The following PCDH9 variants were observed in gnomAD, a reference collection of about 807,000 sequenced individuals.
The protein encoded by PCDH9 is protocadherin 9.
A neutral mutation model predicts 70.6 loss-of-function variants in PCDH9; 24 were observed. That is an observed-to-expected ratio of 0.34 (90% CI 0.25 to 0.48). The LOEUF (loss-of-function observed/expected upper bound fraction) is 0.48, where lower values mean the gene tolerates loss of function less well. PCDH9 is among the 20% of genes least tolerant of loss of function. The pLI, the probability that PCDH9 is intolerant of heterozygous loss-of-function variation, is 0.99. For missense variants in PCDH9, 1,281 were observed against 1,503.6 expected (o/e 0.85, Z 2.45); for synonymous variants, 562 against 558.5 (o/e 1.01, Z -0.09).
chr13:66,966,059 C>T (rs1330296184), intron 2 of PCDH9, among the ~76,000 whole-genome samples: 1 of 151,910 alleles, frequency 6.6e-6, no homozygotes, highest in East Asian at 1.9e-4. Flanking sequence ...AATTGCATGC[C>T]ATATTTTAAA....
intron 3 of PCDH9, among the ~76,000 whole-genome samples, chr13:66,899,014 T>C (rs2082231828): frequency 6.6e-6 from 1 of 151,938 alleles, no homozygotes; most frequent in South Asian, 2.1e-4. Context: ...ACAAGACACA[T>C]AATAATAGTT....
At chr13:66,686,316 TC>T (rs1204992471) in intron 3 of PCDH9, among the ~76,000 whole-genome samples, 7 of 152,136 alleles carry the variant, frequency 4.6e-5, no homozygotes, top group African/African-American at 1.4e-4. Context: ...CACTTATCTT[TC>T]CTGCCATCAT....
Position 66,520,272 on chromosome 13 carries a change from A to T in PCDH9, c.3340+110938T>A, listed in dbSNP as rs1014640682. Among the ~76,000 whole-genome samples, 4 of 152,088 alleles carry T rather than the reference A, an allele frequency of 2.6e-5. No homozygotes were observed. The South Asian group carries it at 6.2e-4, about 24-fold the overall frequency. On this transcript the variant is annotated intron_variant, in intron 4 of 4. Coordinates refer to ENST00000377865, the MANE Select transcript of PCDH9 (RefSeq NM_203487.3). Reference sequence around the variant, plus strand: ...ATTTGGATTAAATGTGCATACAATGATTTTTTTTCCGCTATTTCATTTGCT... The same window carrying T: ...ATTTGGATTAAATGTGCATACAATGTTTTTTTTTCCGCTATTTCATTTGCT...
intron 4 of PCDH9, among the ~76,000 whole-genome samples, chr13:66,474,250 A>G (rs1213657705): frequency 1.3e-5 from 2 of 152,194 alleles, no homozygotes; most frequent in Non-Finnish European, 2.9e-5. Flanking sequence ...CATGGCACAC[A>G]GAACACAAAG....
intron 2 of PCDH9, among the ~76,000 whole-genome samples, chr13:67,177,762 A>G (rs1446200401): frequency 6.6e-6 from 1 of 152,122 alleles, no homozygotes; most frequent in African/African-American, 2.4e-5. Flanking sequence ...ACAGTAAAAC[A>G]TACTACTTTG....
At chr13:67,081,555 A>C (rs3925889) in intron 2 of PCDH9, among the ~76,000 whole-genome samples, 138,538 of 152,194 alleles carry the variant, frequency 0.91, 63,149 homozygotes, top group Middle Eastern at 0.93. Context: ...GCAACTAGAG[A>C]AAAACTCCAT....
intron 2 of PCDH9, among the ~76,000 whole-genome samples, chr13:67,005,157 C>T (rs368514030): frequency 1.3e-5 from 2 of 151,784 alleles, no homozygotes; most frequent in South Asian, 2.1e-4. Flanking sequence ...AGCAGAATCA[C>T]GGACATTTCT....
intron 3 of PCDH9, among the ~76,000 whole-genome samples, chr13:66,837,256 A>G (rs1203816037): frequency 6.6e-6 from 1 of 152,170 alleles, no homozygotes; most frequent in Non-Finnish European, 1.5e-5. Context: ...TTTATTTTGT[A>G]CTTAATAAAT....
intron 2 of PCDH9, among the ~76,000 whole-genome samples, chr13:67,094,710 C>CT (rs2086286633): frequency 1.3e-5 from 2 of 150,352 alleles, no homozygotes; most frequent in Admixed American, 1.3e-4. Context: ...ATAAAATAGA[C>CT]TTTTTTCAAA....
intron 4 of PCDH9, among the ~76,000 whole-genome samples, chr13:66,519,631 G>T (rs374203484): frequency 1.3e-5 from 2 of 152,142 alleles, no homozygotes; most frequent in East Asian, 3.9e-4. Context: ...ATATAGTCAG[G>T]CCCTAGGAGA....
intron 2 of PCDH9, among the ~76,000 whole-genome samples, chr13:67,035,048 A>T (rs2084983064): frequency 6.6e-6 from 1 of 152,128 alleles, no homozygotes; most frequent in Non-Finnish European, 1.5e-5. Flanking sequence ...GTGTTATATA[A>T]TGCTTAAAGA....
At chr13:66,575,852 A>G (rs2076807188) in intron 4 of PCDH9, among the ~76,000 whole-genome samples, 1 of 152,096 alleles carries the variant, frequency 6.6e-6, no homozygotes, top group Non-Finnish European at 1.5e-5. Flanking sequence ...TTTACCAGAC[A>G]AGCCCTATGA....
At chr13:66,340,650 GT>G (rs1222919241) in intron 4 of PCDH9, among the ~76,000 whole-genome samples, 1 of 152,080 alleles carries the variant, frequency 6.6e-6, no homozygotes, top group African/African-American at 2.4e-5. Flanking sequence ...TAAGCTTTCT[GT>G]TTAAGTTATT....
At chr13:66,876,167 C>G (rs996650507) in intron 3 of PCDH9, among the ~76,000 whole-genome samples, 17 of 152,106 alleles carry the variant, frequency 1.1e-4, no homozygotes, top group Admixed American at 1.1e-3. Flanking sequence ...ATTGTCATAA[C>G]TTACTAAAAC....
chr13:67,136,514 A>G (rs2087236301), intron 2 of PCDH9, among the ~76,000 whole-genome samples: 1 of 152,134 alleles, frequency 6.6e-6, no homozygotes, highest in African/African-American at 2.4e-5. Flanking sequence ...TGCATCATAT[A>G]ATGCTAAAGT....
chr13:66,990,759 A>G (rs1160910396), intron 2 of PCDH9: 1 of 147,036 alleles, frequency 6.8e-6, no homozygotes, highest in Non-Finnish European at 1.5e-5. Flanking sequence ...TCTAGTAATA[A>G]TAATATTTAT....
In PCDH9 at chr13:67,228,585, C is replaced by T. The variant is rs2089940279; in HGVS notation, c.-135-10G>A. On this transcript the variant is annotated splice_polypyrimidine_tract_variant and intron_variant, in intron 1 of 4. Coordinates refer to ENST00000377865, the MANE Select transcript of PCDH9 (RefSeq NM_203487.3). ...TATTTGGAGACAGCCGCTGTCAACA[C>T]AATTGTATAGACAATATTATTCTTC... 1.7e-6 allele frequency: 1 copy of T among 578,366 alleles called. No individual in the cohort carries two copies. Among genetic ancestry groups the T allele is most frequent in the Non-Finnish European group, 3.0e-6 (1 of 333,354 alleles). The allele number at this position is 578,366 out of a possible 1,614,324, so 35.8% of individuals were successfully genotyped here. A position where few individuals can be genotyped will look rare whatever the true frequency, so the allele number is the denominator to read the frequency against.
At chr13:67,195,871 G>GAGTGATA (rs1324881920) in intron 2 of PCDH9, among the ~76,000 whole-genome samples, 1 of 152,106 alleles carries the variant, frequency 6.6e-6, no homozygotes, top group African/African-American at 2.4e-5. Context: ...GATCTCACTG[G>GAGTGATA]AGTGATAAAA....
intron 2 of PCDH9, among the ~76,000 whole-genome samples, chr13:66,962,073 A>AC (rs2083357984): frequency 6.6e-6 from 1 of 152,122 alleles, no homozygotes; most frequent in South Asian, 2.1e-4. Flanking sequence ...ACAAAACAAA[A>AC]AAAAAAGAAA....
Sources: gnomAD v4.1 joint callset for allele counts (sites outside exome capture counted in the v4.1 genomes callset) on GRCh38, gnomAD v4.1.1 for gene constraint, MANE v1.5 for transcripts, NCBI Gene and HGNC (gene_info 2026-07-23, HGNC 2026-07-21) for gene names.